Variants in PDZRN4 observed in about 807,000 individuals in gnomAD.
PDZRN4 encodes the protein PDZ domain-containing RING finger protein 4.
A neutral mutation model predicts 99.0 loss-of-function variants in PDZRN4; 70 were observed. The ratio of observed to expected loss-of-function variants is 0.71; its 90% confidence interval spans 0.58 to 0.86. The LOEUF (loss-of-function observed/expected upper bound fraction) is 0.86. Ranked by LOEUF, PDZRN4 falls within the 40% of genes least tolerant of loss-of-function variation. The probability of loss-of-function intolerance (pLI) is 0.00; values close to 1 mark genes in which losing one functional copy is unlikely to be tolerated. For synonymous variants in PDZRN4, 551 were observed against 501.6 expected, an observed-to-expected ratio of 1.10 and a Z score of -1.32; for missense variants, 1,474 against 1,331.2, an observed-to-expected ratio of 1.11 and a Z score of -1.67.
At chr12:41,451,402 T>C (rs974685900) in intron 3 of PDZRN4, among the ~76,000 whole-genome samples, 5 of 152,218 alleles carry the variant, frequency 3.3e-5, no homozygotes, top group Non-Finnish European at 7.3e-5. Flanking sequence ...TTCAGGTTTA[T>C]GGGCTCCATT....
At chr12:41,483,978 T>C (rs901697056) in intron 3 of PDZRN4, among the ~76,000 whole-genome samples, 3 of 152,160 alleles carry the variant, frequency 2.0e-5, no homozygotes, top group Non-Finnish European at 4.4e-5. Context: ...TTAACCTGGA[T>C]TCCATTCTGA....
At chr12:41,372,637 C>T (rs918429131) in intron 3 of PDZRN4, among the ~76,000 whole-genome samples, 6 of 152,086 alleles carry the variant, frequency 3.9e-5, no homozygotes, top group Non-Finnish European at 7.4e-5. Flanking sequence ...GTAATAAAGG[C>T]ATTTGCATAA....
chr12:41,202,590 T>C (rs1950824605), intron 3 of PDZRN4, among the ~76,000 whole-genome samples: 1 of 152,066 alleles, frequency 6.6e-6, no homozygotes, highest in South Asian at 2.1e-4. Flanking sequence ...GCTTTGCTCT[T>C]CTTTCTTAAG....
At chr12:41,326,962 T>G (rs1191321256) in intron 3 of PDZRN4, among the ~76,000 whole-genome samples, 6 of 152,214 alleles carry the variant, frequency 3.9e-5, no homozygotes, top group Non-Finnish European at 7.3e-5. Context: ...TGCTCCCGAA[T>G]GTCTGAACTG....
chr12:41,259,754 A>G (rs1951225143), intron 3 of PDZRN4, among the ~76,000 whole-genome samples: 2 of 152,164 alleles, frequency 1.3e-5, no homozygotes, highest in Non-Finnish European at 2.9e-5. Flanking sequence ...TTCACAAATG[A>G]GTTTAGTCTA....
intron 3 of PDZRN4, among the ~76,000 whole-genome samples, chr12:41,451,210 T>C (rs1282276493): frequency 3.3e-5 from 5 of 151,962 alleles, no homozygotes; most frequent in Non-Finnish European, 5.9e-5. Flanking sequence ...TCCTCCTGAA[T>C]TGGCATAGAC....
chr12:41,472,935 G>C (rs1953007171), intron 3 of PDZRN4, among the ~76,000 whole-genome samples: 1 of 152,136 alleles, frequency 6.6e-6, no homozygotes, highest in African/African-American at 2.4e-5. Flanking sequence ...TAAAGTATTA[G>C]GTTTTTACAT....
At chr12:41,542,542 A>G (rs926797473) in intron 5 of PDZRN4, among the ~76,000 whole-genome samples, 1 of 152,166 alleles carries the variant, frequency 6.6e-6, no homozygotes, top group African/African-American at 2.4e-5. Context: ...TCTCCCATTC[A>G]GTGATTCTGC....
In PDZRN4 at chr12:41,188,337, C is replaced by T; in HGVS notation, c.-119C>T. ...ACAGTGAGATCACACCTCCCACCCG[C>T]CACCTCCCTCCACTGCCGCCGCCGC... On this transcript the variant is annotated 5_prime_UTR_variant, in exon 1 of 10. Coordinates refer to ENST00000402685, the MANE Select transcript of PDZRN4 (RefSeq NM_001164595.2). 1 of 911,022 alleles carries T rather than the reference C, an allele frequency of 1.1e-6. No individual in the cohort carries two copies. Among genetic ancestry groups the T allele is most frequent in the Non-Finnish European group, 1.6e-6 (1 of 627,908 alleles). 56.4% of individuals were successfully genotyped at this position (911,022 alleles called of 1,614,324 possible).
intron 3 of PDZRN4, among the ~76,000 whole-genome samples, chr12:41,343,589 G>C (rs532580028): frequency 1.4e-5 from 2 of 141,046 alleles, no homozygotes; most frequent in African/African-American, 5.3e-5. Flanking sequence ...GAGGGGAAGT[G>C]GGGGAGGGGA....
intron 3 of PDZRN4, among the ~76,000 whole-genome samples, chr12:41,449,641 CAT>C (rs1206799949): frequency 6.6e-6 from 1 of 152,032 alleles, no homozygotes; most frequent in African/African-American, 2.4e-5. Flanking sequence ...CATGAGATGT[CAT>C]AGTGATGATA....
intron 5 of PDZRN4, among the ~76,000 whole-genome samples, chr12:41,531,156 A>G (rs1297913514): frequency 6.6e-6 from 1 of 152,106 alleles, no homozygotes; most frequent in Non-Finnish European, 1.5e-5. Context: ...GCCTTGGTGT[A>G]CCTGAAGAAT....
rs555577281 is a variant in PDZRN4, at chr12:41,217,707, T to C, written c.843+23519T>C. Among the ~76,000 whole-genome samples, 3 of 152,194 alleles carry C rather than the reference T, an allele frequency of 2.0e-5. No individual in the cohort carries two copies. The South Asian group carries it at 6.2e-4, about 32-fold the overall frequency. Reference sequence around the variant, plus strand: ...TCTCTACCACAGCCTCCTCTCCTTCTTCTTGCTTGTTTCCTTCCTTTAAAG... The same window carrying C: ...TCTCTACCACAGCCTCCTCTCCTTCCTCTTGCTTGTTTCCTTCCTTTAAAG... On this transcript the variant is annotated intron_variant, in intron 3 of 9. Coordinates refer to ENST00000402685, the MANE Select transcript of PDZRN4 (RefSeq NM_001164595.2).
chr12:41,323,456 A>G (rs1228900005), intron 3 of PDZRN4, among the ~76,000 whole-genome samples: 3 of 152,168 alleles, frequency 2.0e-5, no homozygotes, highest in Non-Finnish European at 4.4e-5. Flanking sequence ...CCCAAAAGCA[A>G]TGAAGTTATT....
intron 3 of PDZRN4, among the ~76,000 whole-genome samples, chr12:41,238,564 G>A (rs117870504): frequency 1.3e-3 from 197 of 152,018 alleles, no homozygotes; most frequent in Non-Finnish European, 1.8e-3. Context: ...AGTGGGCAAA[G>A]AACATGGACA....
chr12:41,237,050 G>C lies in PDZRN4; in HGVS notation c.843+42862G>C, dbSNP rs117107778. ...TAAGTAACAGATTGCAAAAAGGCAA[G>C]AAGGATTAGAATTCACAAAACTAAC... On this transcript the variant is annotated intron_variant, in intron 3 of 9. Coordinates refer to ENST00000402685, the MANE Select transcript of PDZRN4 (RefSeq NM_001164595.2). Among the ~76,000 whole-genome samples, 1,013 of 152,206 alleles carry C rather than the reference G, an allele frequency of 6.7e-3. 6 individuals carry two copies. Among genetic ancestry groups the C allele is most frequent in the Non-Finnish European group, 0.01 (689 of 67,986 alleles).
At chr12:41,270,908 A>G (rs1951310679) in intron 3 of PDZRN4, among the ~76,000 whole-genome samples, 1 of 152,114 alleles carries the variant, frequency 6.6e-6, no homozygotes, top group East Asian at 1.9e-4. Flanking sequence ...GATTTAGTGA[A>G]AAATTTGTTT....
intron 3 of PDZRN4, among the ~76,000 whole-genome samples, chr12:41,368,923 A>G (rs1420850701): frequency 6.6e-6 from 1 of 152,058 alleles, no homozygotes; most frequent in Non-Finnish European, 1.5e-5. Context: ...ATACTGTTTC[A>G]TATTTACATA....
chr12:41,533,090 T>A (rs1309507408), intron 5 of PDZRN4, among the ~76,000 whole-genome samples: 1 of 151,410 alleles, frequency 6.6e-6, no homozygotes, highest in Non-Finnish European at 1.5e-5. Context: ...AATTCTGTCA[T>A]TTTTTTTTCT....
Sources: allele counts gnomAD v4.1 joint callset (sites outside exome capture counted in the v4.1 genomes callset), GRCh38; gene constraint gnomAD v4.1.1; transcripts MANE v1.5; gene names NCBI Gene and HGNC (gene_info 2026-07-23, HGNC 2026-07-21).